Variants in MECOM observed in about 807,000 individuals in gnomAD.
MECOM encodes histone-lysine N-methyltransferase MECOM.
In MECOM, 13 loss-of-function variants were observed where a neutral mutation model predicts 116.3. That is an observed-to-expected ratio of 0.11 (90% CI 0.07 to 0.18). The LOEUF (loss-of-function observed/expected upper bound fraction) is 0.18, where lower values mean the gene tolerates loss of function less well. Among genes scored for constraint, MECOM ranks in the 10% least tolerant of loss-of-function variants. MECOM has a pLI of 1.00. For missense variants in MECOM, 1,299 were observed against 1,509.0 expected (o/e 0.86, Z 2.31); for synonymous variants, 528 against 535.2 (o/e 0.99, Z 0.19).
At chr3:169,170,403 CAAAAAAAA>C (rs71634426) in intron 2 of MECOM, among the ~76,000 whole-genome samples, 8 of 74,370 alleles carry the variant, frequency 1.1e-4, no homozygotes, top group Admixed American at 1.5e-4. Context: ...AAGACTCTGT[CAAAAAAAA>C]AAAAAAAAAA....
intron 1 of MECOM, among the ~76,000 whole-genome samples, chr3:169,610,577 C>T (rs887984495): frequency 2.0e-5 from 3 of 151,770 alleles, no homozygotes; most frequent in East Asian, 1.9e-4. Context: ...AGGCGTCAAA[C>T]AATTTTCCCA....
chr3:169,513,597 C>G (rs908657752), intron 1 of MECOM, among the ~76,000 whole-genome samples: 2 of 151,800 alleles, frequency 1.3e-5, no homozygotes, highest in South Asian at 4.2e-4. Flanking sequence ...ATAAATGCAG[C>G]GGGTAGAGGT....
rs527742806 is a variant in MECOM, at chr3:169,567,922, G to C, written c.37+95414C>G. 7.2e-5 allele frequency among the ~76,000 whole-genome samples: 11 copies of C among 152,276 alleles called. No homozygotes were observed. In the South Asian group the frequency reaches 2.3e-3, roughly 32 times the overall value. ...GTTAAATTCAAAAAACAAAAAAGGA[G>C]AGGGGCAAAATGGCTGAATAGGAAC... is the stretch of plus-strand genomic sequence containing the variant. On this transcript the variant is annotated intron_variant, in intron 1 of 16. Coordinates refer to ENST00000651503, the MANE Select transcript of MECOM (RefSeq NM_004991.4).
chr3:169,425,944 GA>G (rs1169203356), intron 1 of MECOM, among the ~76,000 whole-genome samples: 1 of 152,048 alleles, frequency 6.6e-6, no homozygotes. Flanking sequence ...TATACAGAAG[GA>G]AAAAAAGATG....
intron 1 of MECOM, among the ~76,000 whole-genome samples, chr3:169,659,034 T>A (rs577127442): frequency 1.6e-4 from 22 of 140,846 alleles, no homozygotes; most frequent in Non-Finnish European, 3.2e-4. Context: ...AGTAACATGC[T>A]TAAAGAGAAA....
At chr3:169,306,921 G>C (rs1717814867) in intron 2 of MECOM, among the ~76,000 whole-genome samples, 1 of 152,156 alleles carries the variant, frequency 6.6e-6, no homozygotes, top group African/African-American at 2.4e-5. Flanking sequence ...TATGGAAGTT[G>C]ATGACTCCCA....
chr3:169,153,470 G>A (rs1577196685), intron 2 of MECOM, among the ~76,000 whole-genome samples: 1 of 152,016 alleles, frequency 6.6e-6, no homozygotes, highest in African/African-American at 2.4e-5. Context: ...TTTAACTTCG[G>A]ACTAAATTAG....
At chr3:169,266,186 A>G (rs1344582606) in intron 2 of MECOM, among the ~76,000 whole-genome samples, 1 of 152,242 alleles carries the variant, frequency 6.6e-6, no homozygotes, top group Non-Finnish European at 1.5e-5. Context: ...TAACCTTAGT[A>G]AAAGACAAAT....
chr3:169,405,274 T>C (rs538382126), intron 1 of MECOM, among the ~76,000 whole-genome samples: 1 of 151,904 alleles, frequency 6.6e-6, no homozygotes, highest in East Asian at 1.9e-4. Context: ...ATTAGATCTT[T>C]CTTAAACCAC....
intron 2 of MECOM, among the ~76,000 whole-genome samples, chr3:169,179,779 T>A (rs916010254): frequency 3.3e-5 from 5 of 152,182 alleles, no homozygotes; most frequent in Non-Finnish European, 1.5e-5. Flanking sequence ...GTTTTTCAAA[T>A]TCAGCTCGTT....
At chr3:169,303,080 AG>A (rs1455322196) in intron 2 of MECOM, among the ~76,000 whole-genome samples, 2 of 152,182 alleles carry the variant, frequency 1.3e-5, no homozygotes, top group Non-Finnish European at 2.9e-5. Context: ...TCACCCAAAA[AG>A]GTCACATGAA....
intron 2 of MECOM, among the ~76,000 whole-genome samples, chr3:169,355,975 A>G (rs565749933): frequency 1.5e-4 from 23 of 152,038 alleles, no homozygotes; most frequent in African/African-American, 4.6e-4. Context: ...GCCTAAAAAT[A>G]AAGAGTAAAA....
chr3:169,640,066 T>C (rs1773270902), intron 1 of MECOM, among the ~76,000 whole-genome samples: 1 of 152,196 alleles, frequency 6.6e-6, no homozygotes, highest in Non-Finnish European at 1.5e-5. Flanking sequence ...CTGTTGCGTG[T>C]ATTGGTCAGA....
At chr3:169,363,667 A>C (rs141077090) in intron 2 of MECOM, among the ~76,000 whole-genome samples, 1,875 of 152,084 alleles carry the variant, frequency 0.012, 39 homozygotes, top group African/African-American at 0.043. Context: ...GCAGCCTGAA[A>C]GACAATGTCA....
intron 1 of MECOM, among the ~76,000 whole-genome samples, chr3:169,418,402 G>A (rs576906909): frequency 6.6e-6 from 1 of 152,194 alleles, no homozygotes; most frequent in South Asian, 2.1e-4. Context: ...CATTTTACGA[G>A]GCCAGCATCA....
At chr3:169,143,138 G>T (rs1005898852) in intron 3 of MECOM, among the ~76,000 whole-genome samples, 1 of 151,930 alleles carries the variant, frequency 6.6e-6, no homozygotes, top group Non-Finnish European at 1.5e-5. Context: ...TCACAAAGCA[G>T]TTTCCAGCAG....
chr3:169,541,791 T>A (rs1019844726), intron 1 of MECOM, among the ~76,000 whole-genome samples: 2 of 152,160 alleles, frequency 1.3e-5, no homozygotes, highest in African/African-American at 2.4e-5. Flanking sequence ...CTCTTGACAG[T>A]AGCCTGCAAA....
At chr3:169,136,875 G>A (rs1011971984) in intron 3 of MECOM, among the ~76,000 whole-genome samples, 5 of 152,068 alleles carry the variant, frequency 3.3e-5, no homozygotes, top group African/African-American at 1.2e-4. Context: ...TCAAACACTG[G>A]AAGTTTTATT....
intron 1 of MECOM, among the ~76,000 whole-genome samples, chr3:169,471,399 C>G (rs1208618910): frequency 1.3e-5 from 2 of 152,008 alleles, no homozygotes; most frequent in East Asian, 3.9e-4. Context: ...ATTCTAGACA[C>G]CTATCCTGTG....
Sources: allele counts gnomAD v4.1 joint callset (sites outside exome capture counted in the v4.1 genomes callset), GRCh38; gene constraint gnomAD v4.1.1; transcripts MANE v1.5; gene names NCBI Gene and HGNC (gene_info 2026-07-23, HGNC 2026-07-21).